Variants in MDFIC2 observed in about 807,000 individuals in gnomAD.
MDFIC2 encodes the protein myoD family inhibitor domain-containing protein 2.
At chr3:70,231,940 G>A (rs1474195653) in intron 2 of MDFIC2, among the ~76,000 whole-genome samples, 2 of 152,118 alleles carry the variant, frequency 1.3e-5, no homozygotes, top group Non-Finnish European at 2.9e-5. Flanking sequence ...AATAACAGTC[G>A]TGTATTCTTG....
At chr3:70,296,329 A>G (rs916398281) in intron 2 of MDFIC2, among the ~76,000 whole-genome samples, 1 of 152,124 alleles carries the variant, frequency 6.6e-6, no homozygotes. Context: ...ACTAAGTAAG[A>G]GACTGAAACA....
chr3:70,279,700 C>A (rs1702062480), intron 2 of MDFIC2, among the ~76,000 whole-genome samples: 1 of 152,134 alleles, frequency 6.6e-6, no homozygotes, highest in African/African-American at 2.4e-5. Flanking sequence ...AAACACACAC[C>A]CTGGGGTGTG....
At chr3:70,272,379 G>A (rs1384451128) in intron 2 of MDFIC2, 1 of 152,052 alleles carries the variant, frequency 6.6e-6, no homozygotes, top group Non-Finnish European at 1.5e-5. Context: ...GTACTCTTTT[G>A]TGTCTGGCTT....
chr3:70,287,059 T>G (rs1575616029), intron 2 of MDFIC2, among the ~76,000 whole-genome samples: 1 of 145,040 alleles, frequency 6.9e-6, no homozygotes, highest in Non-Finnish European at 1.5e-5. Flanking sequence ...TTCCTTCTCC[T>G]GCCTAATTGC....
chr3:70,296,188 C>T (rs1049193764), intron 2 of MDFIC2, among the ~76,000 whole-genome samples: 2 of 152,096 alleles, frequency 1.3e-5, no homozygotes, highest in Non-Finnish European at 2.9e-5. Context: ...GAGTCTTTTA[C>T]CCATATCACT....
intron 2 of MDFIC2, among the ~76,000 whole-genome samples, chr3:70,282,385 T>A (rs1400952837): frequency 6.6e-6 from 1 of 152,144 alleles, no homozygotes; most frequent in Non-Finnish European, 1.5e-5. Context: ...CCACTTAAAC[T>A]TTGTAAATCC....
chr3:70,305,994 A>T (rs1348800026), intron 2 of MDFIC2, among the ~76,000 whole-genome samples: 1 of 152,178 alleles, frequency 6.6e-6, no homozygotes, highest in Non-Finnish European at 1.5e-5. Context: ...GATAACCATG[A>T]TAACCAGTGT....
intron 2 of MDFIC2, among the ~76,000 whole-genome samples, chr3:70,213,437 T>C (rs958235827): frequency 6.6e-6 from 1 of 152,152 alleles, no homozygotes; most frequent in Non-Finnish European, 1.5e-5. Flanking sequence ...TTCAAACGTA[T>C]AGACCATTTT....
At chr3:70,281,503 C>G (rs1702082861) in intron 2 of MDFIC2, among the ~76,000 whole-genome samples, 1 of 152,142 alleles carries the variant, frequency 6.6e-6, no homozygotes, top group South Asian at 2.1e-4. Flanking sequence ...TCCTTAAAGT[C>G]TCTTTAATAG....
At chr3:70,244,476 A>G (rs1444101387) in intron 2 of MDFIC2, among the ~76,000 whole-genome samples, 2 of 152,224 alleles carry the variant, frequency 1.3e-5, no homozygotes, top group African/African-American at 4.8e-5. Context: ...TCTGATGATA[A>G]TATCAAGATT....
intron 2 of MDFIC2, among the ~76,000 whole-genome samples, chr3:70,274,648 G>C (rs1702004642): frequency 6.6e-6 from 1 of 152,024 alleles, no homozygotes. Flanking sequence ...CGGTGGGGAG[G>C]GAGAGCTTAA....
In MDFIC2 at chr3:70,200,134, C is replaced by A. The variant is rs528229698; in HGVS notation, c.311-2949G>T. Among the ~76,000 whole-genome samples, 588 of 152,290 alleles carry A rather than the reference C, an allele frequency of 3.9e-3. 2 individuals are homozygous for A. The highest frequency in any genetic ancestry group is 0.013 in the African/African-American group (530 of 41,576). On this transcript the variant is annotated intron_variant, in intron 3 of 3. Transcript: ENST00000567252. The stretch of plus-strand genomic sequence containing the variant: ...CAAATTCGTATTCGAAATCCACAAG[C>A]TGCTCACCACCTGCAGGGCCACCAT...
intron 2 of MDFIC2, among the ~76,000 whole-genome samples, chr3:70,239,759 T>G (rs1701648033): frequency 1.3e-5 from 2 of 152,154 alleles, no homozygotes; most frequent in Middle Eastern, 3.2e-3. Flanking sequence ...GGAGATCATA[T>G]CGCCCTATGT....
At chr3:70,199,878 C>A (rs563612598) in intron 3 of MDFIC2, among the ~76,000 whole-genome samples, 4 of 152,130 alleles carry the variant, frequency 2.6e-5, no homozygotes, top group African/African-American at 9.7e-5. Flanking sequence ...GCCTGCTGCA[C>A]GTCTCTTCTG....
chr3:70,247,605 CATT>C (rs1701719746), intron 2 of MDFIC2, among the ~76,000 whole-genome samples: 1 of 151,738 alleles, frequency 6.6e-6, no homozygotes, highest in South Asian at 2.1e-4. Flanking sequence ...TAATATATAA[CATT>C]ATATCTCTTT....
intron 2 of MDFIC2, among the ~76,000 whole-genome samples, chr3:70,281,223 G>C (rs542683156): frequency 6.6e-6 from 1 of 152,086 alleles, no homozygotes; most frequent in African/African-American, 2.4e-5. Flanking sequence ...GTTCACATCT[G>C]ATCATGTTCC....
rs556379890 is a variant in MDFIC2 at position 70,199,151 on chromosome 3, C to T, written c.311-1966G>A. On this transcript the variant is annotated intron_variant, in intron 3 of 3. Coordinates refer to ENST00000567252, the MANE Select transcript of MDFIC2 (RefSeq NM_001364677.1). ...CACTGGATCCTGTCCTTTATACATG[C>T]AAGGTTAAAAGTTTGCTTTGGAGTT... Among the ~76,000 whole-genome samples the T allele has an allele frequency of 7.2e-5, 11 of 152,218 alleles. No individual in the cohort carries two copies. The South Asian group carries it at 1.5e-3, about 20-fold the overall frequency.
At chr3:70,232,851 GAAA>G (rs1403661885) in intron 2 of MDFIC2, among the ~76,000 whole-genome samples, 1 of 151,988 alleles carries the variant, frequency 6.6e-6, no homozygotes, top group Non-Finnish European at 1.5e-5. Context: ...CAGAAAGAAG[GAAA>G]AAAATCTTGC....
intron 2 of MDFIC2, among the ~76,000 whole-genome samples, chr3:70,299,390 G>A (rs1702323999): frequency 6.6e-6 from 1 of 152,084 alleles, no homozygotes; most frequent in African/African-American, 2.4e-5. Flanking sequence ...TGTGGGAATT[G>A]AGAATAATTT....
Sources: allele counts gnomAD v4.1 joint callset (sites outside exome capture counted in the v4.1 genomes callset), GRCh38; gene constraint gnomAD v4.1.1; transcripts MANE v1.5; gene names NCBI Gene and HGNC (gene_info 2026-07-23, HGNC 2026-07-21).